The following SGIP1 variants were observed in gnomAD, a reference collection of about 807,000 sequenced individuals.
The protein encoded by SGIP1 is SH3GL interacting endocytic adaptor 1.
A neutral mutation model predicts 107.5 loss-of-function variants in SGIP1; 38 were observed. That is an observed-to-expected ratio of 0.35 (90% CI 0.27 to 0.46). The LOEUF is 0.46. Ranked by LOEUF, SGIP1 falls within the 20% of genes least tolerant of loss-of-function variation. The pLI, the probability that SGIP1 is intolerant of heterozygous loss-of-function variation, is 1.00. For missense variants in SGIP1, 929 were observed against 1,019.5 expected, an observed-to-expected ratio of 0.91 and a Z score of 1.21; for synonymous variants, 365 against 366.1, an observed-to-expected ratio of 1.00 and a Z score of 0.03.
At chr1:66,577,451 G>C (rs894508283) in intron 1 of SGIP1, among the ~76,000 whole-genome samples, 11 of 152,128 alleles carry the variant, frequency 7.2e-5, no homozygotes, top group African/African-American at 1.2e-4. Context: ...ATCTAACCCT[G>C]ATGCTTAACT....
At chr1:66,580,112 A>G (rs1262341188) in intron 1 of SGIP1, among the ~76,000 whole-genome samples, 1 of 152,118 alleles carries the variant, frequency 6.6e-6, no homozygotes, top group Non-Finnish European at 1.5e-5. Context: ...CCTACATGAC[A>G]AGCAGGGTGA....
At chr1:66,630,841 A>AAGAGAGAGAGAGAGAGAGAG (rs1427132139) in intron 2 of SGIP1, among the ~76,000 whole-genome samples, 3 of 17,966 alleles carry the variant, frequency 1.7e-4, no homozygotes, top group African/African-American at 5.5e-4. Context: ...GAAAGAAAGA[A>AAGAGAGAGAGAGAGAGAGAG]AGAAAGAAAG....
chr1:66,605,869 C>T (rs1011688730), intron 1 of SGIP1, among the ~76,000 whole-genome samples: 2 of 152,060 alleles, frequency 1.3e-5, no homozygotes, highest in Non-Finnish European at 2.9e-5. Context: ...TGAACGCTCC[C>T]GGACTGAGGC....
At chr1:66,545,112 C>A (rs2056065351) in intron 1 of SGIP1, among the ~76,000 whole-genome samples, 1 of 152,158 alleles carries the variant, frequency 6.6e-6, no homozygotes. Context: ...CTGCTTCCAC[C>A]TTCCAATGAA....
Position 66,613,925 on chromosome 1 carries a change from T to C in SGIP1, c.11-11922T>C, listed in dbSNP as rs1257884863. ...AGGTTCCTTTTCTACTGACCACTGA[T>C]TGAGAAGATGAAGATATCTTCTGAT... On this transcript the variant is annotated intron_variant, in intron 1 of 24. Coordinates refer to ENST00000371037, the MANE Select transcript of SGIP1 (RefSeq NM_032291.4). 2.0e-5 allele frequency among the ~76,000 whole-genome samples: 3 copies of C among 152,172 alleles called. No homozygotes were observed. In the East Asian group the frequency reaches 5.8e-4, roughly 29 times the overall value.
intron 18 of SGIP1, among the ~76,000 whole-genome samples, chr1:66,713,011 G>A (rs377207591): frequency 7.9e-5 from 12 of 152,044 alleles, no homozygotes; most frequent in South Asian, 4.1e-4. Context: ...TCACAAACAC[G>A]TTATCAGGTT....
chr1:66,616,674 A>G (rs1186644790), intron 1 of SGIP1, among the ~76,000 whole-genome samples: 1 of 152,198 alleles, frequency 6.6e-6, no homozygotes, highest in African/African-American at 2.4e-5. Flanking sequence ...CACCTGCTTA[A>G]AATTCTTCCC....
intron 1 of SGIP1, among the ~76,000 whole-genome samples, chr1:66,553,430 C>G (rs573990987): frequency 3.9e-5 from 6 of 151,962 alleles, no homozygotes; most frequent in Non-Finnish European, 7.4e-5. Flanking sequence ...AATCCCAGCA[C>G]TTTGGGAGGC....
At chr1:66,600,499 A>G (rs2065587493) in intron 1 of SGIP1, among the ~76,000 whole-genome samples, 1 of 152,240 alleles carries the variant, frequency 6.6e-6, no homozygotes, top group African/African-American at 2.4e-5. Context: ...TACCAAGGCA[A>G]CGTACATAGA....
chr1:66,642,061 A>G (rs768698433), intron 5 of SGIP1, among the ~76,000 whole-genome samples: 1 of 152,210 alleles, frequency 6.6e-6, no homozygotes, highest in Non-Finnish European at 1.5e-5. Context: ...CTATCCTGGA[A>G]CATACTTCCA....
intron 1 of SGIP1, among the ~76,000 whole-genome samples, chr1:66,583,554 T>G (rs1482118677): frequency 6.6e-6 from 1 of 152,178 alleles, no homozygotes; most frequent in African/African-American, 2.4e-5. Flanking sequence ...TCATAAACAT[T>G]CAAGCACAAT....
intron 1 of SGIP1, among the ~76,000 whole-genome samples, chr1:66,604,526 C>T (rs893531850): frequency 1.3e-5 from 2 of 152,108 alleles, no homozygotes; most frequent in African/African-American, 2.4e-5. Context: ...CAATCTGAAC[C>T]CTCACTCTAC....
At chr1:66,617,049 T>C (rs1053304807) in intron 1 of SGIP1, among the ~76,000 whole-genome samples, 97 of 152,334 alleles carry the variant, frequency 6.4e-4, no homozygotes, top group Non-Finnish European at 1.2e-3. Flanking sequence ...GCATACTTAG[T>C]ACAGAGATCA....
At chr1:66,670,150 C>T (rs147682698) in intron 9 of SGIP1, among the ~76,000 whole-genome samples, 10 of 152,210 alleles carry the variant, frequency 6.6e-5, no homozygotes, top group Non-Finnish European at 1.0e-4. Context: ...CTGTACCCCA[C>T]GATGCAACCA....
chr1:66,664,874 T>A (rs1403346686), intron 8 of SGIP1, among the ~76,000 whole-genome samples: 1 of 152,192 alleles, frequency 6.6e-6, no homozygotes, highest in African/African-American at 2.4e-5. Context: ...GCAGAGCTAT[T>A]AGAGATTGTT....
At chr1:66,626,948 C>T (rs780232236) in intron 2 of SGIP1, among the ~76,000 whole-genome samples, 23 of 152,220 alleles carry the variant, frequency 1.5e-4, no homozygotes, top group Non-Finnish European at 2.6e-4. Flanking sequence ...TTTTATCATG[C>T]GTAAATTTTG....
intron 17 of SGIP1, among the ~76,000 whole-genome samples, chr1:66,692,618 T>C (rs2090113671): frequency 6.6e-6 from 1 of 152,204 alleles, no homozygotes; most frequent in Non-Finnish European, 1.5e-5. Context: ...GTCAACTTAA[T>C]GTAGTCAAAT....
At chr1:66,603,110 A>G (rs539990950) in intron 1 of SGIP1, among the ~76,000 whole-genome samples, 3 of 152,350 alleles carry the variant, frequency 2.0e-5, no homozygotes, top group African/African-American at 4.8e-5. Context: ...CCTAAAATAG[A>G]TGATAAATGT....
At chr1:66,710,383 A>G (rs1572117547) in intron 18 of SGIP1, among the ~76,000 whole-genome samples, 1 of 152,152 alleles carries the variant, frequency 6.6e-6, no homozygotes, top group South Asian at 2.1e-4. Context: ...CTTCACTGCT[A>G]ATGATAATGG....
Sources: gnomAD v4.1 joint callset for allele counts (sites outside exome capture counted in the v4.1 genomes callset) on GRCh38, gnomAD v4.1.1 for gene constraint, MANE v1.5 for transcripts, NCBI Gene and HGNC (gene_info 2026-07-23, HGNC 2026-07-21) for gene names.